Variants in BBS1 observed in about 807,000 individuals in gnomAD.
BBS1 encodes BBSome complex member BBS1.
In BBS1, 60 loss-of-function variants were observed where a neutral mutation model predicts 73.9. That is an observed-to-expected ratio of 0.81 (90% confidence interval 0.66 to 1.01). The LOEUF (loss-of-function observed/expected upper bound fraction) is 1.01, where lower values mean the gene tolerates loss of function less well. BBS1 is among the 50% of genes least tolerant of loss of function. The pLI, the probability that BBS1 is intolerant of heterozygous loss-of-function variation, is 0.00. For missense variants in BBS1, 718 were observed against 770.3 expected (o/e 0.93, Z 0.80); for synonymous variants, 283 against 317.4 (o/e 0.89, Z 1.15).
Position 66,514,695 on chromosome 11 carries a change from G to C in BBS1, c.432+17G>C, listed in dbSNP as rs752185178. 3.1e-6 allele frequency: 5 copies of C among 1,607,668 alleles called. No homozygotes were observed. In the African/African-American group the frequency reaches 5.3e-5, roughly 17 times the overall value. Reference sequence around the variant, plus strand: ...GCCAAAGAGGTAAATAAATAACATGGGAGTTGGGAACCAGAAGGCAAAGAT... The same window carrying C: ...GCCAAAGAGGTAAATAAATAACATGCGAGTTGGGAACCAGAAGGCAAAGAT... On this transcript the variant is annotated intron_variant, in intron 4 of 16. Coordinates refer to ENST00000318312, the MANE Select transcript of BBS1 (RefSeq NM_024649.5).
intron 6 of BBS1, 56 bp downstream of exon 6, chr11:66,515,787 G>T: frequency 1.2e-6 from 2 of 1,613,912 alleles, no homozygotes; most frequent in Non-Finnish European, 1.7e-6. Context: ...GGAAGCAGCC[G>T]CCAGAATGTG....
At chr11:66,530,831 C>T (rs777581539) in intron 14 of BBS1, 63 bp from the exon 15 acceptor site, 1 of 1,609,586 alleles carries the variant, frequency 6.2e-7, no homozygotes. Flanking sequence ...AGGCAGAGCA[C>T]ACTGTACTCC....
intron 3 of BBS1, among the ~76,000 whole-genome samples, chr11:66,512,050 ATG>A (rs1216114016): frequency 1.4e-5 from 2 of 143,028 alleles, no homozygotes; most frequent in African/African-American, 5.5e-5. Flanking sequence ...ATGTATATAT[ATG>A]TGTATATATA....
chr11:66,515,756 G>A, intron 6 of BBS1, 25 bp downstream of exon 6: 1 of 1,614,176 alleles, frequency 6.2e-7, no homozygotes, highest in Non-Finnish European at 8.5e-7. Context: ...GAGGGCCAGG[G>A]TTTGGGAGGC....
Position 66,510,724 on chromosome 11 carries a change from C to G in BBS1, c.47+18C>G. On this transcript the variant is annotated intron_variant, in intron 1 of 16. Coordinates refer to ENST00000318312, the MANE Select transcript of BBS1 (RefSeq NM_024649.5). ...GCTGAGAGGTGAAGGCAGGGCTCCT[C>G]AAGGCCTCTTTTCCCACCCGTGTAA... 1 of 1,614,016 alleles carries G rather than the reference C, an allele frequency of 6.2e-7. No individual in the cohort carries two copies. Among genetic ancestry groups the G allele is most frequent in the Non-Finnish European group, 8.5e-7 (1 of 1,179,932 alleles).
intron 6 of BBS1, 35 bp downstream of exon 6, chr11:66,515,766 C>T: frequency 1.2e-6 from 2 of 1,614,118 alleles, no homozygotes; most frequent in Non-Finnish European, 1.7e-6. Context: ...GTTTGGGAGG[C>T]TCCAGGGAGA....
chr11:66,529,586 G>C, intron 13 of BBS1: 1 of 692,684 alleles, frequency 1.4e-6, no homozygotes, highest in Non-Finnish European at 2.6e-6. Flanking sequence ...GAAGGAGCTA[G>C]ATAGTGCAGG....
chr11:66,518,868 C>T lies in BBS1; in HGVS notation c.592-749C>T, dbSNP rs1167270952. ...GAACTCCTGGGATCAAGGGATCCTC[C>T]TGCCTCAGCCTCCTGAGTACCTGGG... On this transcript the variant is annotated intron_variant, in intron 7 of 16. Coordinates refer to ENST00000318312, the MANE Select transcript of BBS1 (RefSeq NM_024649.5). Among the ~76,000 whole-genome samples the T allele has an allele frequency of 2.0e-5, 3 of 151,920 alleles. 1 individual carries two copies. The highest frequency in any genetic ancestry group is 3.2e-3 in the Middle Eastern group (1 of 316).
Position 66,523,331 on chromosome 11 carries a change from A to C in BBS1, c.831-125A>C, listed in dbSNP as rs564473733. Reference sequence around the variant, plus strand: ...AGGTGGCAGAAGTGGAAATAATCCCAGGGTCATCTGCTTTGGGGCCAGTGT... The same window carrying C: ...AGGTGGCAGAAGTGGAAATAATCCCCGGGTCATCTGCTTTGGGGCCAGTGT... On this transcript the variant is annotated intron_variant, in intron 9 of 16. Transcript: ENST00000318312. The C allele has an allele frequency of 8.2e-6, 11 of 1,348,754 alleles. No individual in the cohort carries two copies. In the African/African-American group the frequency reaches 1.4e-4, roughly 18 times the overall value. The allele number at this position is 1,348,754 out of a possible 1,614,324, so 83.5% of individuals were successfully genotyped here.
rs771291825 is a variant in BBS1, at chr11:66,523,839, G to A, written c.1067G>A (p.Arg356His). 1.5e-5 allele frequency: 24 copies of A among 1,613,476 alleles called. No homozygotes were observed. The highest frequency in any genetic ancestry group is 4.0e-5 in the African/African-American group (3 of 74,922). ...GCTGGGCTGGCCAATGGAGAGGTCC[G>A]CATTTATCGTGACAAGGCCCTGCTC... ...VMAGLANGEVRIYRDKALLNV... is the reference protein window; with the variant it reads ...VMAGLANGEVHIYRDKALLNV... Residue 356 changes from arginine (R) to histidine (H), a missense_variant, in exon 11 of 17, where the codon CGC becomes CAC. Transcript: ENST00000318312.
Position 66,530,748 on chromosome 11 carries a change from C to G in BBS1, c.1474-146C>G. On this transcript the variant is annotated intron_variant, in intron 14 of 16. Transcript: ENST00000318312. ...TCTGGCCTCTTCTGATCCCTCTGCC[C>G]CTTCTGGTCTTCTGTGTCTGCTGGG... 3 of 1,209,434 alleles carry G rather than the reference C, an allele frequency of 2.5e-6. No individual in the cohort carries two copies. The South Asian group carries it at 3.7e-5, about 15-fold the overall frequency. 74.9% of individuals were successfully genotyped at this position (1,209,434 alleles called of 1,614,324 possible).
At chr11:66,527,184 G>T in intron 13 of BBS1, 1 of 589,780 alleles carries the variant, frequency 1.7e-6, no homozygotes. Flanking sequence ...ACCTACCTGG[G>T]TAACATAATG....
intron 7 of BBS1, among the ~76,000 whole-genome samples, chr11:66,518,442 C>T (rs191413033): frequency 2.8e-4 from 42 of 149,130 alleles, no homozygotes; most frequent in African/African-American, 9.4e-4. Flanking sequence ...TATTTCTGTA[C>T]AGATGAGGTT....
At chr11:66,514,776 G>A in intron 4 of BBS1, 98 bp downstream of exon 4, 1 of 1,437,756 alleles carries the variant, frequency 7.0e-7, no homozygotes, top group Non-Finnish European at 9.7e-7. Context: ...GCTGGTGGCA[G>A]GAGGTCAGCT....
At chr11:66,531,146 C>T in intron 15 of BBS1, 118 bp downstream of exon 15, 1 of 1,406,562 alleles carries the variant, frequency 7.1e-7, no homozygotes, top group Non-Finnish European at 9.8e-7. Context: ...GCCAGGTGGC[C>T]AGCAGACCTA....
intron 8 of BBS1, 131 bp from the exon 9 acceptor site, chr11:66,521,139 A>C: frequency 1.3e-6 from 1 of 746,756 alleles, no homozygotes; most frequent in South Asian, 1.5e-5. Flanking sequence ...GAAAAACTGT[A>C]TGAGTTTAAA....
At chr11:66,519,524 T>C in intron 7 of BBS1, 93 bp from the exon 8 acceptor site, 1 of 1,563,838 alleles carries the variant, frequency 6.4e-7, no homozygotes, top group African/African-American at 1.4e-5. Flanking sequence ...TTCATCCTCC[T>C]TTGCCCTCTT....
intron 13 of BBS1, 82 bp downstream of exon 13, chr11:66,526,889 C>T: frequency 1.2e-6 from 2 of 1,612,314 alleles, no homozygotes; most frequent in Non-Finnish European, 1.7e-6. Flanking sequence ...TGCCCAGCCT[C>T]CCTGTGCACT....
intron 13 of BBS1, chr11:66,527,668 C>CAAAAAAAAAAA (rs58165767): frequency 4.7e-4 from 27 of 57,946 alleles, no homozygotes; most frequent in Non-Finnish European, 5.7e-4. Flanking sequence ...GACTCCGTCT[C>CAAAAAAAAAAA]AAAAAAAAAA....
Sources: gnomAD v4.1 joint callset for allele counts (sites outside exome capture counted in the v4.1 genomes callset) on GRCh38, gnomAD v4.1.1 for gene constraint, MANE v1.5 for transcripts, NCBI Gene and HGNC (gene_info 2026-07-23, HGNC 2026-07-21) for gene names.